Variants in COL23A1 observed in about 807,000 individuals in gnomAD.
COL23A1 encodes the protein collagen alpha-1(XXIII) chain.
A neutral mutation model predicts 99.3 loss-of-function variants in COL23A1; 97 were observed. That is an observed-to-expected ratio of 0.98 (90% CI 0.83 to 1.16). The LOEUF (loss-of-function observed/expected upper bound fraction) is 1.16. COL23A1 is among the 50% of genes most tolerant of loss of function. The probability of loss-of-function intolerance (pLI) is 0.00; values close to 1 mark genes in which losing one functional copy is unlikely to be tolerated. For synonymous variants in COL23A1, 320 were observed against 308.2 expected (o/e 1.04, Z -0.40); for missense variants, 762 against 757.4 (o/e 1.01, Z -0.07).
intron 26 of COL23A1, 70 bp from the exon 27 acceptor site, chr5:178,242,198 G>A: frequency 6.7e-7 from 1 of 1,483,592 alleles, no homozygotes. Context: ...ATCTCTCCGA[G>A]AGAAGCGCGT....
chr5:178,290,279 A>G, intron 4 of COL23A1, 83 bp downstream of exon 4: 1 of 1,605,048 alleles, frequency 6.2e-7, no homozygotes, highest in Admixed American at 1.7e-5. Flanking sequence ...TCCCTAACCA[A>G]AATTATGTTC....
Position 178,455,968 on chromosome 5 carries a change from C to A in COL23A1, c.361+104714G>T, listed in dbSNP as rs549500795. Among the ~76,000 whole-genome samples, 445 of 152,084 alleles carry A rather than the reference C, an allele frequency of 2.9e-3. 5 individuals are homozygous for A. The highest frequency in any genetic ancestry group is 1.0e-2 in the African/African-American group (413 of 41,468). On this transcript the variant is annotated intron_variant, in intron 2 of 28. Transcript: ENST00000390654. ...ACAATTTTTTGAAAAGGAAAAATAA[C>A]AAGAAAGGGACTTGAGTTGTTAAGG...
At chr5:178,238,824 T>C in intron 28 of COL23A1, 124 bp from the exon 29 acceptor site, 2 of 1,308,270 alleles carry the variant, frequency 1.5e-6, no homozygotes, top group South Asian at 2.4e-5. Flanking sequence ...CCCCACTCCC[T>C]CTCAGTGGGC....
At chr5:178,376,379 T>G (rs537887375) in intron 2 of COL23A1, among the ~76,000 whole-genome samples, 7 of 152,318 alleles carry the variant, frequency 4.6e-5, no homozygotes, top group African/African-American at 1.7e-4. Context: ...GTTTCTCAGG[T>G]GGGACATGAT....
chr5:178,403,108 C>CAAAAAAAAAAAAAAAAAAAAAAAAAA (rs200567150), intron 2 of COL23A1, among the ~76,000 whole-genome samples: 10 of 46,660 alleles, frequency 2.1e-4, no homozygotes, highest in East Asian at 2.3e-3. Flanking sequence ...GACTCCATCT[C>CAAAAAAAAAAAAAAAAAAAAAAAAAA]AAAAAAAAAA....
intron 2 of COL23A1, among the ~76,000 whole-genome samples, chr5:178,469,607 G>GGGCAGCT (rs1756630960): frequency 1.3e-5 from 2 of 151,548 alleles, no homozygotes; most frequent in African/African-American, 4.9e-5. Flanking sequence ...GGGCTCCCCC[G>GGGCAGCT]GGCAGCTGGC....
intron 2 of COL23A1, among the ~76,000 whole-genome samples, chr5:178,357,791 T>G (rs1180263121): frequency 6.8e-6 from 1 of 146,824 alleles, no homozygotes; most frequent in African/African-American, 2.5e-5. Context: ...TGTATGTGTG[T>G]GTGTATGTGT....
At chr5:178,577,678 T>C (rs10073970) in intron 1 of COL23A1, among the ~76,000 whole-genome samples, 19,236 of 152,260 alleles carry the variant, frequency 0.13, 1,744 homozygotes, top group East Asian at 0.39. Flanking sequence ...GGGGCTCCTC[T>C]GGCCGCGCTG....
rs1756893278 is a variant in COL23A1, at chr5:178,281,450, G to A, written c.441+6874C>T. On this transcript the variant is annotated intron_variant, in intron 5 of 28. Coordinates refer to ENST00000390654, the MANE Select transcript of COL23A1 (RefSeq NM_173465.4). This position sits in a 1 kb window ranked among gnomAD's most constrained non-coding sequence, Gnocchi z 4.0. ...AGCTCTCGCAGTCCCCTGGGGCCCC[G>A]GCTGTCGCTGCTCCCAGGACTGAGG... Among the ~76,000 whole-genome samples the A allele has an allele frequency of 6.6e-6, 1 of 152,108 alleles. No homozygotes were observed. The highest frequency in any genetic ancestry group is 6.5e-5 in the Admixed American group (1 of 15,276).
intron 2 of COL23A1, among the ~76,000 whole-genome samples, chr5:178,364,019 C>T (rs1462910173): frequency 6.6e-6 from 1 of 152,200 alleles, no homozygotes; most frequent in African/African-American, 2.4e-5. Context: ...CAGACCCCTC[C>T]ACCTGAGGTA....
In COL23A1 at chr5:178,254,687, C is replaced by A. The variant is rs147028183; in HGVS notation, c.960+262G>T. On this transcript the variant is annotated intron_variant, in intron 16 of 28. Coordinates refer to ENST00000390654, the MANE Select transcript of COL23A1 (RefSeq NM_173465.4). ...ACCCCAGGAAATACTCTGCCTCCTG[C>A]CCCTGAGTGGGGAGCTTCCCTTTTT... is the stretch of plus-strand genomic sequence containing the variant. 2.3e-3 allele frequency among the ~76,000 whole-genome samples: 346 copies of A among 152,302 alleles called. 2 individuals carry two copies. The highest frequency in any genetic ancestry group is 8.0e-3 in the African/African-American group (331 of 41,564).
At chr5:178,526,620 G>C (rs1760323989) in intron 2 of COL23A1, among the ~76,000 whole-genome samples, 1 of 152,168 alleles carries the variant, frequency 6.6e-6, no homozygotes, top group African/African-American at 2.4e-5. Flanking sequence ...AATAAAAAGA[G>C]TCTGATGCTG....
intron 2 of COL23A1, among the ~76,000 whole-genome samples, chr5:178,420,137 C>T (rs1765522528): frequency 6.6e-6 from 1 of 152,190 alleles, no homozygotes; most frequent in Admixed American, 6.5e-5. Context: ...CTGTTTTCAG[C>T]AAGTCTGAGT....
intron 2 of COL23A1, among the ~76,000 whole-genome samples, chr5:178,314,513 G>C (rs1758874766): frequency 6.6e-6 from 1 of 152,208 alleles, no homozygotes; most frequent in Non-Finnish European, 1.5e-5. Flanking sequence ...CCTGTTAGGA[G>C]GGGCTGGGGT....
In COL23A1 at chr5:178,473,006, C is replaced by T. The variant is rs139206287; in HGVS notation, c.361+87676G>A. Among the ~76,000 whole-genome samples, 922 of 137,060 alleles carry T rather than the reference C, an allele frequency of 6.7e-3. 3 individuals carry two copies. The highest frequency in any genetic ancestry group is 0.012 in the Non-Finnish European group (728 of 62,014). The allele number at this position is 137,060 out of a possible 152,430, so 89.9% of individuals were successfully genotyped here. A position where few individuals can be genotyped will look rare whatever the true frequency, so the allele number is the denominator to read the frequency against. ...GATGTGGTCACACGCACCTGTGATC[C>T]GAACTACTCAGGAAGCTGAGGCGAG... On this transcript the variant is annotated intron_variant, in intron 2 of 28. Coordinates refer to ENST00000390654, the MANE Select transcript of COL23A1 (RefSeq NM_173465.4).
intron 2 of COL23A1, among the ~76,000 whole-genome samples, chr5:178,512,535 C>G (rs1206117925): frequency 6.6e-6 from 1 of 152,118 alleles, no homozygotes; most frequent in Non-Finnish European, 1.5e-5. Context: ...AAAGGGGCAA[C>G]AGAAAGGTGT....
intron 2 of COL23A1, among the ~76,000 whole-genome samples, chr5:178,328,451 G>T (rs1201539220): frequency 2.6e-5 from 4 of 152,214 alleles, no homozygotes; most frequent in Non-Finnish European, 5.9e-5. Flanking sequence ...AGAGACCCAG[G>T]TACAAATCCT....
intron 2 of COL23A1, among the ~76,000 whole-genome samples, chr5:178,475,303 T>G (rs1756969925): frequency 6.6e-6 from 1 of 152,170 alleles, no homozygotes; most frequent in Non-Finnish European, 1.5e-5. Context: ...AGTGGCCATA[T>G]GGGAGACAGA....
intron 2 of COL23A1, among the ~76,000 whole-genome samples, chr5:178,470,069 C>A (rs1454430620): frequency 6.6e-6 from 1 of 152,244 alleles, no homozygotes; most frequent in Non-Finnish European, 1.5e-5. Flanking sequence ...TTCCAAAGTA[C>A]TCCATCATCT....
Sources: gnomAD v4.1 joint callset for allele counts (sites outside exome capture counted in the v4.1 genomes callset) on GRCh38, gnomAD v4.1.1 for gene constraint, Gnocchi (gnomAD v3.1) non-coding constraint, MANE v1.5 for transcripts, NCBI Gene and HGNC (gene_info 2026-07-23, HGNC 2026-07-21) for gene names.